PPP6R2: variants seen among roughly 807,000 people sequenced by gnomAD.
PPP6R2 encodes serine/threonine-protein phosphatase 6 regulatory subunit 2.
In PPP6R2, 62 loss-of-function variants were observed where a neutral mutation model predicts 100.2. That is an observed-to-expected ratio of 0.62 (90% CI 0.50 to 0.76). The LOEUF (loss-of-function observed/expected upper bound fraction) is 0.76. Among genes scored for constraint, PPP6R2 ranks in the 30% least tolerant of loss-of-function variants. PPP6R2 has a pLI of 0.00. For missense variants in PPP6R2, 1,142 were observed against 1,276.3 expected (o/e 0.89, Z 1.60); for synonymous variants, 525 against 514.7 (o/e 1.02, Z -0.27).
the PPP6R2 span, among the ~76,000 whole-genome samples, chr22:50,338,285 T>TTGTGGTGTGTAGTGTGTGGGGTGTG: frequency 9.2e-6 from 1 of 108,706 alleles, no homozygotes; most frequent in African/African-American, 3.9e-5. Context: ...TGTGGTGTGT[T>TTGTGGTGTGTAGTGTGTGGGGTGTG]TGTGGTGTGT....
chr22:50,342,090 A>T (rs2042466366), upstream of PPP6R2, among the ~76,000 whole-genome samples: 1 of 151,960 alleles, frequency 6.6e-6, no homozygotes, highest in African/African-American at 2.4e-5. Flanking sequence ...GCACGTGCTC[A>T]CGGCAGCAGG....
In PPP6R2 at chr22:50,416,452, C is replaced by T. The variant is rs559925930; in HGVS notation, c.618+295C>T. 8.6e-5 allele frequency among the ~76,000 whole-genome samples: 13 copies of T among 151,698 alleles called. No individual in the cohort carries two copies. The South Asian group carries it at 1.5e-3, about 17-fold the overall frequency. The stretch of plus-strand genomic sequence containing the variant: ...CAAGCAATTCTCCTGCTCACCCAGT[C>T]GGGTGAGCCACCACACCCAGCCTCT... On this transcript the variant is annotated intron_variant, in intron 6 of 23. Coordinates refer to ENST00000612753, the MANE Select transcript of PPP6R2 (RefSeq NM_001242898.2).
intron 3 of PPP6R2, among the ~76,000 whole-genome samples, chr22:50,396,475 A>G (rs2056904783): frequency 1.3e-5 from 2 of 150,206 alleles, no homozygotes; most frequent in Non-Finnish European, 3.0e-5. Flanking sequence ...AGCCTGGGCG[A>G]CAGAGTGAGA....
chr22:50,374,189 T>C (rs1216779725), intron 2 of PPP6R2, among the ~76,000 whole-genome samples: 1 of 152,176 alleles, frequency 6.6e-6, no homozygotes, highest in African/African-American at 2.4e-5. Flanking sequence ...TGGCCAAATA[T>C]AATTTCTGTG....
At position 50,436,404 on chromosome 22, in the gene PPP6R2, C is replaced by T. The variant is rs775650513; in HGVS notation, c.1554C>T (p.Phe518=). 35 of 1,591,522 alleles carry T rather than the reference C, an allele frequency of 2.2e-5. No individual in the cohort carries two copies. Among genetic ancestry groups the T allele is most frequent in the Middle Eastern group, 1.8e-4 (1 of 5,708 alleles). Residue 518 remains phenylalanine, a synonymous_variant, in exon 14 of 24, where the codon TTC becomes TTT. Coordinates refer to ENST00000612753, the MANE Select transcript of PPP6R2 (RefSeq NM_001242898.2). ...PADCRGRWES[F]VEETLTETNR... is the part of the protein sequence containing the mutation. ...ACTGCCGTGGCCGCTGGGAGAGCTT[C>T]GTGGAGGAGACGCTGACGGAGACGA...
intron 3 of PPP6R2, among the ~76,000 whole-genome samples, chr22:50,399,035 C>G (rs143863611): frequency 0.011 from 1,632 of 152,236 alleles, 96 homozygotes; most frequent in Admixed American, 0.092. Context: ...ATCATGAGGT[C>G]AGAAGATGGA....
rs151324259 is a variant in PPP6R2, at chr22:50,418,966, A to G, written c.718A>G (p.Thr240Ala). The change falls in exon 7 of 24, where the codon ACA becomes GCA. Residue 240 changes from threonine to alanine, a missense_variant. Coordinates refer to ENST00000612753, the MANE Select transcript of PPP6R2 (RefSeq NM_001242898.2). The part of the protein sequence containing the change: ...QEALEPDPLL[T>A]ALESQDCVEQ... Reference sequence around the variant, plus strand: ...GGCTCTGGAGCCAGACCCGCTCCTCACAGCGCTGGAGTCGTGAGTGCTGGT... The same window carrying G: ...GGCTCTGGAGCCAGACCCGCTCCTCGCAGCGCTGGAGTCGTGAGTGCTGGT... The G allele has an allele frequency of 2.7e-5, 43 of 1,613,092 alleles. 1 individual carries two copies. The highest frequency in any genetic ancestry group is 1.6e-4 in the Middle Eastern group (1 of 6,078).
chr22:50,444,163 A>C, intron 23 of PPP6R2, 36 bp from the exon 24 acceptor site: 1 of 1,612,130 alleles, frequency 6.2e-7, no homozygotes, highest in South Asian at 1.1e-5. Context: ...CAGGGCCCGC[A>C]GCCCGCACGG....
Position 50,380,231 on chromosome 22 carries a change from C to T in PPP6R2, c.-17+8081C>T, listed in dbSNP as rs868233100. ...AGAAAGAGAAGGTGCCAGTCTTTTT[C>T]TTTTTTTTTTTTGGTATTTTTAGTA... On this transcript the variant is annotated intron_variant, in intron 2 of 23. Coordinates refer to ENST00000612753, the MANE Select transcript of PPP6R2 (RefSeq NM_001242898.2). 2.1e-3 allele frequency among the ~76,000 whole-genome samples: 293 copies of T among 142,690 alleles called. 1 individual carries two copies. Among genetic ancestry groups the T allele is most frequent in the Middle Eastern group, 7.4e-3 (2 of 272 alleles). The allele number at this position is 142,690 out of a possible 152,430, so 93.6% of individuals were successfully genotyped here.
At chr22:50,433,299 G>T (rs1367561887) in intron 12 of PPP6R2, among the ~76,000 whole-genome samples, 1 of 125,292 alleles carries the variant, frequency 8.0e-6, no homozygotes, top group African/African-American at 2.8e-5. Context: ...CGGGGGCATG[G>T]ATGCTGGGCA....
rs775838933 is a variant in PPP6R2, at chr22:50,438,616, C to A, written c.1982C>A (p.Ala661Asp). 1 of 1,614,024 alleles carries A rather than the reference C, an allele frequency of 6.2e-7. No homozygotes were observed. The highest frequency in any genetic ancestry group is 8.5e-7 in the Non-Finnish European group (1 of 1,179,974). Residue 661 changes from alanine to aspartate, a missense_variant, in exon 19 of 24, where the codon GCT becomes GAT. Ala to Asp is a moderately radical substitution (Grantham distance 126). Transcript: ENST00000612753. ...TCCCCCAGGTTTGGAGCCCCCCATG[C>A]TTCAGAGAGTTGCTCAAAGAATGGC... Reference protein sequence around the residue: ...MARPRFGAPHASESCSKNGPE... With the variant: ...MARPRFGAPHDSESCSKNGPE...
At chr22:50,338,829 G>GTGTGGTT (rs2042334038), upstream of PPP6R2, among the ~76,000 whole-genome samples, 1 of 145,606 alleles carries the variant, frequency 6.9e-6, no homozygotes, top group African/African-American at 2.5e-5. Context: ...TGTGTAGGGT[G>GTGTGGTT]TGTGGTGTGT....
At position 50,444,307 on chromosome 22, in the gene PPP6R2, T is replaced by A; in HGVS notation, c.*60T>A. On this transcript the variant is annotated 3_prime_UTR_variant, in exon 24 of 24. Transcript: ENST00000612753. ...AGGCTGCCTCCTTAATCGAGAAAACTACCTGGTGATGCAATCTTTTTTTTT... is the reference window on the plus strand; with the variant it reads ...AGGCTGCCTCCTTAATCGAGAAAACAACCTGGTGATGCAATCTTTTTTTTT... The A allele has an allele frequency of 6.6e-7, 1 of 1,512,398 alleles. No individual in the cohort carries two copies. The highest frequency in any genetic ancestry group is 1.2e-5 in the South Asian group (1 of 81,870). 93.7% of individuals were successfully genotyped at this position (1,512,398 alleles called of 1,614,324 possible).
At chr22:50,443,733 G>A (rs1486582532) in intron 22 of PPP6R2, 133 bp from the exon 23 acceptor site, 24 of 1,293,176 alleles carry the variant, frequency 1.9e-5, no homozygotes, top group Non-Finnish European at 2.5e-5. Flanking sequence ...CCCACAAAGG[G>A]CAGGAGTGAG....
chr22:50,436,566 G>A (rs2064319716), intron 14 of PPP6R2, 114 bp downstream of exon 14: 2 of 1,022,230 alleles, frequency 2.0e-6, no homozygotes, highest in African/African-American at 1.6e-5. Context: ...CCGCACGCCT[G>A]CCTGCTCCTC....
chr22:50,349,381 AAAAC>A (rs1185061984), intron 1 of PPP6R2, among the ~76,000 whole-genome samples: 1 of 150,128 alleles, frequency 6.7e-6, no homozygotes, highest in African/African-American at 2.5e-5. Flanking sequence ...AAAAAAAAAA[AAAAC>A]GGGCTGGACG....
At chr22:50,401,656 T>A (rs2058062331) in intron 3 of PPP6R2, among the ~76,000 whole-genome samples, 2 of 151,524 alleles carry the variant, frequency 1.3e-5, no homozygotes, top group African/African-American at 4.8e-5. Flanking sequence ...TTTCTTTTTT[T>A]TTTTGAGACG....
At chr22:50,392,777 A>G (rs1418897744) in intron 2 of PPP6R2, among the ~76,000 whole-genome samples, 1 of 152,176 alleles carries the variant, frequency 6.6e-6, no homozygotes, top group African/African-American at 2.4e-5. Context: ...TGAATTAGCC[A>G]AAGCCAGAGG....
At chr22:50,348,930 G>A (rs995811870) in intron 1 of PPP6R2, among the ~76,000 whole-genome samples, 4 of 152,096 alleles carry the variant, frequency 2.6e-5, no homozygotes, top group Non-Finnish European at 5.9e-5. Context: ...AGTGGCTCAC[G>A]CCTGTAATCC....
Sources: gnomAD v4.1 joint callset for allele counts (sites outside exome capture counted in the v4.1 genomes callset) on GRCh38, gnomAD v4.1.1 for gene constraint, MANE v1.5 for transcripts, NCBI Gene and HGNC (gene_info 2026-07-23, HGNC 2026-07-21) for gene names.